The following NEK9 variants were observed in gnomAD, a reference collection of about 807,000 sequenced individuals.
NEK9 encodes serine/threonine-protein kinase Nek9.
Under a neutral mutation model 123.4 loss-of-function variants are expected in NEK9, and 75 were observed. That is an observed-to-expected ratio of 0.61 (90% CI 0.50 to 0.74). NEK9 has a LOEUF of 0.74. NEK9 is among the 30% of genes least tolerant of loss of function. The pLI, the probability that NEK9 is intolerant of heterozygous loss-of-function variation, is 0.00. For synonymous variants in NEK9, 438 were observed against 458.7 expected (o/e 0.95, Z 0.58); for missense variants, 952 against 1,214.4 (o/e 0.78, Z 3.21).
chr14:75,126,774 G>A lies in NEK9; in HGVS notation c.148C>T (p.Leu50=), dbSNP rs764013068. The change falls in exon 1 of 22, where the codon CTG becomes TTG. Residue 50 remains leucine (L), a synonymous_variant. Transcript: ENST00000238616. Reference sequence around the variant, plus strand: ...AGGACGCGGATGGGGATGTAGTGCAGTTCCTCCTGCTCCGCCGCGCCGCCG... The same window carrying A: ...AGGACGCGGATGGGGATGTAGTGCAATTCCTCCTGCTCCGCCGCGCCGCCG... The part of the protein sequence containing the change: ...AGGGAAEQEE[L]HYIPIRVLGR... The A allele has an allele frequency of 5.9e-6, 9 of 1,531,418 alleles. No homozygotes were observed. The South Asian group carries it at 9.8e-5, about 17-fold the overall frequency. The allele number at this position is 1,531,418 out of a possible 1,614,324, so 94.9% of individuals were successfully genotyped here.
At chr14:75,096,400 C>T (rs1894385550) in intron 17 of NEK9, among the ~76,000 whole-genome samples, 1 of 151,760 alleles carries the variant, frequency 6.6e-6, no homozygotes, top group South Asian at 2.1e-4. Flanking sequence ...AAAGTAGTTC[C>T]TAACAAAGTA....
intron 21 of NEK9, among the ~76,000 whole-genome samples, chr14:75,085,494 T>C (rs1020239500): frequency 2.4e-4 from 36 of 152,168 alleles, no homozygotes; most frequent in African/African-American, 8.7e-4. Context: ...TATAAAACAA[T>C]AGCATGGCTC....
intron 14 of NEK9, 49 bp from the exon 15 acceptor site, chr14:75,101,814 A>G (rs754867401): frequency 7.4e-7 from 1 of 1,355,270 alleles, no homozygotes; most frequent in Admixed American, 1.7e-5. Context: ...AGAAAATCGA[A>G]GGAAAATCAG....
Position 75,083,561 on chromosome 14 carries a change from G to C in NEK9, c.*1003C>G, listed in dbSNP as rs565238749. 6.5e-6 allele frequency: 1 copy of C among 152,878 alleles called. No homozygotes were observed. The highest frequency in any genetic ancestry group is 6.5e-5 in the Admixed American group (1 of 15,300). 9.5% of individuals were successfully genotyped at this position (152,878 alleles called of 1,614,324 possible). A position where few individuals can be genotyped will look rare whatever the true frequency, so the allele number is the denominator to read the frequency against. On this transcript the variant is annotated 3_prime_UTR_variant, in exon 22 of 22. Transcript: ENST00000238616. ...AAAACACCAAAAGGGGAAAAATACT[G>C]ACTAGACATTCAGAAAGAAAGTGGT...
At chr14:75,084,915 G>C in intron 21 of NEK9, 1 of 430,130 alleles carries the variant, frequency 2.3e-6, no homozygotes, top group Non-Finnish European at 4.2e-6. Context: ...AGGACTGCGG[G>C]GTTTCCTGGG....
In NEK9 at chr14:75,118,861, T is replaced by C. The variant is rs1214512647; in HGVS notation, c.599A>G (p.Lys200Arg). 4 of 1,609,924 alleles carry C rather than the reference T, an allele frequency of 2.5e-6. No individual in the cohort carries two copies. Among genetic ancestry groups the C allele is most frequent in the Non-Finnish European group, 3.4e-6 (4 of 1,176,440 alleles). The part of the protein sequence containing the change: ...IKLGDYGLAK[K>R]LNSEYSMAET... Reference sequence around the variant, plus strand: ...AGCCATGGAATACTCAGAATTAAGTTTCTTTGCTAGGCCATAATCTCCAAG... The same window carrying C: ...AGCCATGGAATACTCAGAATTAAGTCTCTTTGCTAGGCCATAATCTCCAAG... Residue 200 changes from lysine (K) to arginine (R), a missense_variant, in exon 5 of 22, where the codon AAA becomes AGA. Lys to Arg is a conservative substitution (Grantham distance 26, BLOSUM62 2). Transcript: ENST00000238616.
intron 17 of NEK9, 87 bp from the exon 18 acceptor site, chr14:75,095,518 C>T: frequency 1.3e-6 from 1 of 785,290 alleles, no homozygotes; most frequent in South Asian, 1.7e-5. Flanking sequence ...GATAATTGCT[C>T]TCCTTGACTC....
rs1895440018 is a variant in NEK9 at position 75,124,237 on chromosome 14, C to G, written c.220-14G>C. Reference sequence around the variant, plus strand: ...CAGTGAGTCATCCTAAACACAGTAACAGAGGTATCGTGCTTTTCCTCTTGC... The same window carrying G: ...CAGTGAGTCATCCTAAACACAGTAAGAGAGGTATCGTGCTTTTCCTCTTGC... On this transcript the variant is annotated splice_polypyrimidine_tract_variant and intron_variant, in intron 1 of 21. Coordinates refer to ENST00000238616, the MANE Select transcript of NEK9 (RefSeq NM_033116.6). The G allele has an allele frequency of 6.2e-7, 1 of 1,608,800 alleles. No homozygotes were observed. Among genetic ancestry groups the G allele is most frequent in the Non-Finnish European group, 8.5e-7 (1 of 1,175,660 alleles).
intron 16 of NEK9, among the ~76,000 whole-genome samples, chr14:75,098,814 T>G (rs932130087): frequency 2.0e-5 from 3 of 152,154 alleles, no homozygotes; most frequent in Admixed American, 1.3e-4. Context: ...GAAGTTAAAG[T>G]CATGAACTAC....
intron 10 of NEK9, among the ~76,000 whole-genome samples, chr14:75,107,852 A>G (rs1894829996): frequency 6.6e-6 from 1 of 152,218 alleles, no homozygotes; most frequent in Non-Finnish European, 1.5e-5. Flanking sequence ...GAAAACTTAA[A>G]AAGTATCCAG....
At chr14:75,097,347 C>A (rs1894423837) in intron 16 of NEK9, 77 bp from the exon 17 acceptor site, 2 of 1,277,192 alleles carry the variant, frequency 1.6e-6, no homozygotes, top group East Asian at 4.9e-5. Flanking sequence ...ATCTTTATAT[C>A]CTAGAGCTAG....
intron 21 of NEK9, 111 bp from the exon 22 acceptor site, chr14:75,084,797 T>TAC: frequency 7.2e-7 from 1 of 1,394,352 alleles, no homozygotes; most frequent in Non-Finnish European, 1.0e-6. Flanking sequence ...AAGGCGTGGC[T>TAC]AAGGATTTGT....
In NEK9 at chr14:75,087,660, C is replaced by T. The variant is rs562142698; in HGVS notation, c.2605-430G>A. ...TCTGAGAGGTGGTCAGTAAACAGGA[C>T]CACCAACACAATTTAAGAAGGTGAA... On this transcript the variant is annotated intron_variant, in intron 20 of 21. Transcript: ENST00000238616. Among the ~76,000 whole-genome samples the T allele has an allele frequency of 2.6e-5, 4 of 152,336 alleles. No individual in the cohort carries two copies. The South Asian group carries it at 8.3e-4, about 32-fold the overall frequency.
At chr14:75,122,282 T>C (rs1305231889) in intron 2 of NEK9, among the ~76,000 whole-genome samples, 3 of 152,250 alleles carry the variant, frequency 2.0e-5, no homozygotes, top group African/African-American at 7.2e-5. Context: ...TAACAGAATC[T>C]TGTATATGGC....
chr14:75,104,224 G>A (rs144997775), intron 13 of NEK9, among the ~76,000 whole-genome samples: 78 of 150,184 alleles, frequency 5.2e-4, no homozygotes, highest in Non-Finnish European at 6.5e-4. Flanking sequence ...GAGTGAAGTC[G>A]TGCGATCTTA....
intron 1 of NEK9, among the ~76,000 whole-genome samples, chr14:75,125,475 GATA>G (rs1895492099): frequency 6.6e-6 from 1 of 152,094 alleles, no homozygotes; most frequent in Non-Finnish European, 1.5e-5. Flanking sequence ...AGTTCAACAG[GATA>G]ATAATAAAAA....
At chr14:75,116,334 G>T in intron 6 of NEK9, 1 of 159,676 alleles carries the variant, frequency 6.3e-6, no homozygotes, top group South Asian at 1.7e-4. Flanking sequence ...CTACTCAGGA[G>T]ACTGAGGCGG....
At chr14:75,106,983 A>G (rs991255246) in intron 11 of NEK9, among the ~76,000 whole-genome samples, 2 of 152,290 alleles carry the variant, frequency 1.3e-5, no homozygotes, top group African/African-American at 2.4e-5. Context: ...AGATAAAAAA[A>G]TAAGTCCCAA....
In NEK9 at chr14:75,099,218, G is replaced by C. The variant is rs372629872; in HGVS notation, c.2002+1774C>G. ...CACACGCCTGTAATTCCAGCTACTT[G>C]GGAGGCTGAGGCAGGAGAAGCACTT... On this transcript the variant is annotated intron_variant, in intron 16 of 21. Coordinates refer to ENST00000238616, the MANE Select transcript of NEK9 (RefSeq NM_033116.6). 2.6e-5 allele frequency among the ~76,000 whole-genome samples: 4 copies of C among 151,716 alleles called. No individual in the cohort carries two copies. In the South Asian group the frequency reaches 8.3e-4, roughly 32 times the overall value.
Sources: gnomAD v4.1 joint callset for allele counts (sites outside exome capture counted in the v4.1 genomes callset) on GRCh38, gnomAD v4.1.1 for gene constraint, MANE v1.5 for transcripts, NCBI Gene and HGNC (gene_info 2026-07-23, HGNC 2026-07-21) for gene names.